Variants in PITPNC1 observed in about 807,000 individuals in gnomAD.
PITPNC1 encodes phosphatidylinositol transfer protein cytoplasmic 1.
Under a neutral mutation model 44.7 loss-of-function variants are expected in PITPNC1, and 18 were observed. That is an observed-to-expected ratio of 0.40 (90% CI 0.28 to 0.60). PITPNC1 has a LOEUF of 0.60. Among genes scored for constraint, PITPNC1 ranks in the 20% least tolerant of loss-of-function variants. The probability of loss-of-function intolerance (pLI) is 0.39; values close to 1 mark genes in which losing one functional copy is unlikely to be tolerated. For synonymous variants in PITPNC1, 141 were observed against 149.6 expected, an observed-to-expected ratio of 0.94 and a Z score of 0.42; for missense variants, 290 against 418.4, an observed-to-expected ratio of 0.69 and a Z score of 2.68.
chr17:67,438,313 CTTTTTT>C (rs1245707226), intron 1 of PITPNC1, among the ~76,000 whole-genome samples: 1 of 130,452 alleles, frequency 7.7e-6, no homozygotes, highest in Non-Finnish European at 1.6e-5. Context: ...TTCTAAGTGA[CTTTTTT>C]TTTTTTTTTT....
intron 5 of PITPNC1, among the ~76,000 whole-genome samples, chr17:67,623,483 G>A (rs551858441): frequency 1.1e-4 from 16 of 152,236 alleles, no homozygotes; most frequent in Non-Finnish European, 7.4e-5. Context: ...GGGTTCAAAC[G>A]ATTCTCCTGC....
Position 67,578,770 on chromosome 17 carries a change from T to C in PITPNC1, c.366+513T>C, listed in dbSNP as rs545656766. On this transcript the variant is annotated intron_variant, in intron 5 of 8. Transcript: ENST00000581322. ...GCTGAGGCAGGCACATCACCTGAGA[T>C]CAGGAGTTCAAGACCAGCCTGGCCA... 1.6e-4 allele frequency among the ~76,000 whole-genome samples: 25 copies of C among 152,272 alleles called. No homozygotes were observed. The East Asian group carries it at 3.7e-3, about 22-fold the overall frequency.
chr17:67,543,411 G>T (rs1000682041), intron 2 of PITPNC1, among the ~76,000 whole-genome samples: 1 of 152,212 alleles, frequency 6.6e-6, no homozygotes, highest in East Asian at 1.9e-4. Context: ...CAAAGTGGCT[G>T]CACTGTTTTA....
chr17:67,402,787 C>T (rs2038337730), intron 1 of PITPNC1, among the ~76,000 whole-genome samples: 2 of 152,148 alleles, frequency 1.3e-5, no homozygotes, highest in South Asian at 2.1e-4. Context: ...CTGCCTCAGC[C>T]TCCCAAGTAG....
At chr17:67,396,163 G>A (rs1003384849) in intron 1 of PITPNC1, among the ~76,000 whole-genome samples, 3 of 152,080 alleles carry the variant, frequency 2.0e-5, no homozygotes, top group Admixed American at 6.6e-5. Flanking sequence ...GTGCTTGTGT[G>A]TTTTTAAGGT....
rs151166964 is a variant in PITPNC1, at chr17:67,413,401, T to TTTTCTTTC, written c.48+35223_48+35230dup. ...AAAAAGCACTTTATAATGTGCTTAA[T>TTTTCTTTC]TTTCTTTCTTTCTTTCTTTCTTTCT... is the stretch of plus-strand genomic sequence containing the variant. On this transcript the variant is annotated intron_variant, in intron 1 of 8. Coordinates refer to ENST00000581322, the MANE Select transcript of PITPNC1 (RefSeq NM_012417.4). Among the ~76,000 whole-genome samples, 423 of 145,508 alleles carry TTTTCTTTC rather than the reference T, an allele frequency of 2.9e-3. 1 individual carries two copies. Among genetic ancestry groups the TTTTCTTTC allele is most frequent in the South Asian group, 4.0e-3 (18 of 4,498 alleles).
intron 5 of PITPNC1, among the ~76,000 whole-genome samples, chr17:67,609,490 A>G (rs1333409167): frequency 6.6e-6 from 1 of 151,862 alleles, no homozygotes; most frequent in Non-Finnish European, 1.5e-5. Context: ...GGATTTCACC[A>G]TGTTGGCCAG....
intron 5 of PITPNC1, among the ~76,000 whole-genome samples, chr17:67,622,418 A>G (rs949439568): frequency 6.6e-6 from 1 of 150,904 alleles, no homozygotes; most frequent in Non-Finnish European, 1.5e-5. Context: ...TCATGTATAT[A>G]TTTATGAAAC....
intron 6 of PITPNC1, among the ~76,000 whole-genome samples, chr17:67,664,904 C>CA (rs541838718): frequency 0.16 from 14,930 of 91,328 alleles, 800 homozygotes; most frequent in Middle Eastern, 0.31. Context: ...GACTCCATCT[C>CA]AAAAAAAAAA....
At chr17:67,408,070 C>T (rs920078449) in intron 1 of PITPNC1, among the ~76,000 whole-genome samples, 1 of 151,862 alleles carries the variant, frequency 6.6e-6, no homozygotes, top group African/African-American at 2.4e-5. Flanking sequence ...ATTCTCCTGC[C>T]TCAGCCTCCC....
chr17:67,572,925 G>A (rs1260777424), intron 4 of PITPNC1, among the ~76,000 whole-genome samples: 3 of 152,112 alleles, frequency 2.0e-5, no homozygotes, highest in Non-Finnish European at 4.4e-5. Flanking sequence ...AGACTGGAGT[G>A]ATGCACCCAC....
At chr17:67,635,196 C>G (rs2042019321) in intron 6 of PITPNC1, among the ~76,000 whole-genome samples, 1 of 152,188 alleles carries the variant, frequency 6.6e-6, no homozygotes, top group African/African-American at 2.4e-5. Context: ...AGGAGACCAC[C>G]AAGGTCACTA....
chr17:67,455,008 A>G (rs1277085227), intron 1 of PITPNC1, among the ~76,000 whole-genome samples: 1 of 151,564 alleles, frequency 6.6e-6, no homozygotes, highest in South Asian at 2.1e-4. Flanking sequence ...TTTTGTAGAG[A>G]TGGGGTCTTG....
At chr17:67,385,764 A>AT (rs2038038039) in intron 1 of PITPNC1, among the ~76,000 whole-genome samples, 2 of 151,834 alleles carry the variant, frequency 1.3e-5, no homozygotes, top group Non-Finnish European at 2.9e-5. Flanking sequence ...TTTTTGTCAT[A>AT]ACGGGCACAG....
chr17:67,396,798 G>T (rs557750316), intron 1 of PITPNC1, among the ~76,000 whole-genome samples: 193 of 151,948 alleles, frequency 1.3e-3, no homozygotes, highest in Non-Finnish European at 2.3e-3. Context: ...GGGACCACAG[G>T]TGTGTGCCAC....
intron 1 of PITPNC1, among the ~76,000 whole-genome samples, chr17:67,491,277 G>A (rs1301376914): frequency 6.6e-6 from 1 of 152,244 alleles, no homozygotes; most frequent in African/African-American, 2.4e-5. Flanking sequence ...GGAACCCGCA[G>A]GACACTGAGG....
chr17:67,596,569 G>A (rs564093864), intron 5 of PITPNC1, among the ~76,000 whole-genome samples: 3 of 152,154 alleles, frequency 2.0e-5, no homozygotes, highest in African/African-American at 7.2e-5. Flanking sequence ...GGAGTGCAGT[G>A]GCCCGATCTC....
intron 1 of PITPNC1, among the ~76,000 whole-genome samples, chr17:67,439,942 C>T (rs1326181764): frequency 6.6e-6 from 1 of 151,996 alleles, no homozygotes; most frequent in Non-Finnish European, 1.5e-5. Context: ...TAAAACAAAC[C>T]CAAAACCTTC....
intron 5 of PITPNC1, among the ~76,000 whole-genome samples, chr17:67,604,439 C>T (rs1482079530): frequency 6.6e-6 from 1 of 152,082 alleles, no homozygotes; most frequent in African/African-American, 2.4e-5. Flanking sequence ...GTAGGAACAC[C>T]AGAGAGATTG....
Sources: allele counts gnomAD v4.1 joint callset (sites outside exome capture counted in the v4.1 genomes callset), GRCh38; gene constraint gnomAD v4.1.1; transcripts MANE v1.5; gene names NCBI Gene and HGNC (gene_info 2026-07-23, HGNC 2026-07-21).